OPCML: variants seen among roughly 807,000 people sequenced by gnomAD.
The protein encoded by OPCML is opioid binding protein/cell adhesion molecule like.
A neutral mutation model predicts 37.8 loss-of-function variants in OPCML; 13 were observed. The ratio of observed to expected loss-of-function variants is 0.34; its 90% CI spans 0.22 to 0.55. The LOEUF is 0.55. Ranked by LOEUF, OPCML falls within the 20% of genes least tolerant of loss-of-function variation. The probability of loss-of-function intolerance (pLI) is 0.91; values close to 1 mark genes in which losing one functional copy is unlikely to be tolerated. For missense variants in OPCML, 341 were observed against 435.6 expected, an observed-to-expected ratio of 0.78 and a Z score of 1.93; for synonymous variants, 176 against 168.8, an observed-to-expected ratio of 1.04 and a Z score of -0.33.
At chr11:132,674,882 C>A (rs563833480) in intron 2 of OPCML, among the ~76,000 whole-genome samples, 8 of 152,302 alleles carry the variant, frequency 5.3e-5, no homozygotes, top group Admixed American at 5.2e-4. Context: ...GCTGCTTCTT[C>A]ATGGCAGTCC....
chr11:133,145,012 G>A (rs147028646), intron 1 of OPCML, among the ~76,000 whole-genome samples: 55 of 152,336 alleles, frequency 3.6e-4, no homozygotes, highest in African/African-American at 1.1e-3. Context: ...CAACAACAGT[G>A]GCCAGATGGG....
intron 1 of OPCML, among the ~76,000 whole-genome samples, chr11:133,347,308 G>A (rs745545246): frequency 2.0e-5 from 3 of 152,270 alleles, no homozygotes; most frequent in East Asian, 1.9e-4. Context: ...TTGTCCTCCC[G>A]GGAGCTGCAA....
intron 1 of OPCML, among the ~76,000 whole-genome samples, chr11:133,506,874 G>C (rs562778559): frequency 6.6e-6 from 1 of 152,340 alleles, no homozygotes; most frequent in East Asian, 1.9e-4. Flanking sequence ...GTGCAGGTTC[G>C]GGATGGCTGC....
chr11:132,827,454 C>T (rs1202267059), intron 2 of OPCML, among the ~76,000 whole-genome samples: 1 of 152,136 alleles, frequency 6.6e-6, no homozygotes, highest in Admixed American at 6.5e-5. Flanking sequence ...TCATTCATTG[C>T]TGATGGGAAT....
chr11:133,000,938 C>A (rs1267544407), intron 1 of OPCML, among the ~76,000 whole-genome samples: 2 of 152,154 alleles, frequency 1.3e-5, no homozygotes, highest in Non-Finnish European at 2.9e-5. Flanking sequence ...CACAGTATGG[C>A]AGCTCCCCTG....
At chr11:132,543,310 T>C (rs554333809) in intron 3 of OPCML, among the ~76,000 whole-genome samples, 5 of 152,222 alleles carry the variant, frequency 3.3e-5, no homozygotes, top group African/African-American at 1.2e-4. Context: ...CCAGGAGTTT[T>C]AGACCAGCCT....
chr11:132,421,295 G>A (rs906216237), intron 7 of OPCML, among the ~76,000 whole-genome samples: 4 of 152,138 alleles, frequency 2.6e-5, no homozygotes, highest in African/African-American at 7.2e-5. Flanking sequence ...AAGCCATTAC[G>A]AGGCATTTCT....
intron 2 of OPCML, among the ~76,000 whole-genome samples, chr11:132,817,556 T>C (rs1490659806): frequency 6.6e-6 from 1 of 152,168 alleles, no homozygotes; most frequent in East Asian, 1.9e-4. Flanking sequence ...TTTGTTTTTC[T>C]GGATATATGC....
intron 2 of OPCML, among the ~76,000 whole-genome samples, chr11:132,896,796 C>A (rs768988165): frequency 6.6e-6 from 1 of 152,146 alleles, no homozygotes; most frequent in Non-Finnish European, 1.5e-5. Context: ...TATCAGAGCA[C>A]GGGAGATAAT....
intron 2 of OPCML, among the ~76,000 whole-genome samples, chr11:132,792,607 T>C (rs1377757606): frequency 1.3e-5 from 2 of 152,132 alleles, no homozygotes; most frequent in African/African-American, 2.4e-5. Flanking sequence ...GAAGGCCAAG[T>C]GACCTCTTTG....
intron 3 of OPCML, among the ~76,000 whole-genome samples, chr11:132,569,070 G>C (rs940875426): frequency 6.6e-6 from 1 of 152,180 alleles, no homozygotes; most frequent in Non-Finnish European, 1.5e-5. Flanking sequence ...AGCGGGGCAG[G>C]TTCGGCACTC....
intron 1 of OPCML, among the ~76,000 whole-genome samples, chr11:133,483,271 G>A (rs768872699): frequency 3.3e-5 from 5 of 150,622 alleles, no homozygotes; most frequent in Non-Finnish European, 7.4e-5. Context: ...GACATCCATA[G>A]CATTGTAGTT....
intron 3 of OPCML, among the ~76,000 whole-genome samples, chr11:132,598,061 T>C (rs916401950): frequency 2.0e-5 from 3 of 152,120 alleles, no homozygotes; most frequent in Admixed American, 6.6e-5. Flanking sequence ...CCATTCATAG[T>C]TCCGTTCTTT....
At chr11:133,010,062 G>C (rs1947187569) in intron 1 of OPCML, among the ~76,000 whole-genome samples, 1 of 152,156 alleles carries the variant, frequency 6.6e-6, no homozygotes, top group Non-Finnish European at 1.5e-5. Context: ...TCCCACAGCT[G>C]AGCTCTTCTT....
At chr11:132,871,214 A>G (rs548292361) in intron 2 of OPCML, among the ~76,000 whole-genome samples, 18 of 97,028 alleles carry the variant, frequency 1.9e-4, no homozygotes, top group Non-Finnish European at 3.4e-4. Context: ...AACTTAATTT[A>G]AAAAAAAAAA....
intron 1 of OPCML, among the ~76,000 whole-genome samples, chr11:133,523,287 G>C (rs1948429773): frequency 6.6e-6 from 1 of 151,970 alleles, no homozygotes; most frequent in Non-Finnish European, 1.5e-5. Flanking sequence ...AACTGAAAGA[G>C]ATAGCATACA....
At chr11:132,662,903 A>G (rs1942046209) in intron 2 of OPCML, among the ~76,000 whole-genome samples, 1 of 152,248 alleles carries the variant, frequency 6.6e-6, no homozygotes, top group African/African-American at 2.4e-5. Context: ...TCATATATTG[A>G]GGACTTTGTA....
chr11:132,918,224 A>G (rs1442384653), intron 2 of OPCML, among the ~76,000 whole-genome samples: 1 of 152,186 alleles, frequency 6.6e-6, no homozygotes, highest in Non-Finnish European at 1.5e-5. Flanking sequence ...ATGTTTATTG[A>G]GGAATAACAT....
chr11:132,644,312 A>T (rs1941027586), intron 3 of OPCML, among the ~76,000 whole-genome samples: 2 of 152,134 alleles, frequency 1.3e-5, no homozygotes, highest in African/African-American at 2.4e-5. Flanking sequence ...ATCACCCTTC[A>T]TCTGTCAATC....
Sources: allele counts gnomAD v4.1 joint callset (sites outside exome capture counted in the v4.1 genomes callset), GRCh38; gene constraint gnomAD v4.1.1; transcripts MANE v1.5; gene names NCBI Gene and HGNC (gene_info 2026-07-23, HGNC 2026-07-21).